Variants in PEX3 observed in about 807,000 individuals in gnomAD.
The protein encoded by PEX3 is peroxisomal biogenesis factor 3.
Under a neutral mutation model 55.8 loss-of-function variants are expected in PEX3, and 30 were observed. That is an observed-to-expected ratio of 0.54 (90% CI 0.40 to 0.73). The LOEUF (loss-of-function observed/expected upper bound fraction) is 0.73, where lower values mean the gene tolerates loss of function less well. PEX3 is among the 30% of genes least tolerant of loss of function. The pLI is 0.00. For missense variants in PEX3, 351 were observed against 432.8 expected (o/e 0.81, Z 1.68); for synonymous variants, 135 against 148.4 (o/e 0.91, Z 0.66).
At chr6:143,468,807 C>T (rs967424664) in intron 4 of PEX3, among the ~76,000 whole-genome samples, 1 of 97,644 alleles carries the variant, frequency 1.0e-5, no homozygotes, top group African/African-American at 3.6e-5. Flanking sequence ...GCTATCCCCC[C>T]CCCCCCCACC....
rs993360313 is a variant in PEX3, at chr6:143,485,427, T to C, written c.1038+179T>C. Among the ~76,000 whole-genome samples the C allele has an allele frequency of 2.6e-5, 4 of 151,890 alleles. No individual in the cohort carries two copies. Among genetic ancestry groups the C allele is most frequent in the African/African-American group, 9.7e-5 (4 of 41,358 alleles). ...GAGAGTAATAACGGACCATAGCAAA[T>C]GTGTAAGTTTGGAGTACCTTTCTCC... On this transcript the variant is annotated intron_variant, in intron 11 of 11. Transcript: ENST00000367591. This position sits in a 1 kb window ranked among gnomAD's most constrained non-coding sequence, Gnocchi z 5.6.
chr6:143,473,963 C>CAA (rs748863068), intron 8 of PEX3, among the ~76,000 whole-genome samples: 1 of 124,490 alleles, frequency 8.0e-6, no homozygotes, highest in Non-Finnish European at 1.7e-5. Context: ...CCTACCCCTA[C>CAA]AAAAAAAAAA....
rs747077284 is a variant in PEX3 at position 143,464,578 on chromosome 6, G to A, written c.287+1581G>A. 1.3e-4 allele frequency among the ~76,000 whole-genome samples: 19 copies of A among 151,678 alleles called. No homozygotes were observed. The highest frequency in any genetic ancestry group is 2.7e-4 in the Non-Finnish European group (18 of 67,798). ...TCTTTTTTTCTTAATCGGTACACAG[G>A]GAGGAGAATTTCTTAAATTCTGGAG... On this transcript the variant is annotated intron_variant, in intron 3 of 11. Transcript: ENST00000367591. This position sits in a 1 kb window ranked among gnomAD's most constrained non-coding sequence, Gnocchi z 5.8.
chr6:143,474,384 C>T (rs535240465), intron 8 of PEX3, among the ~76,000 whole-genome samples: 6 of 150,456 alleles, frequency 4.0e-5, no homozygotes, highest in Non-Finnish European at 7.4e-5. Flanking sequence ...ACTTGAACCT[C>T]GGAGGCAGAG....
chr6:143,468,016 T>C (rs1780014275), intron 3 of PEX3, 106 bp from the exon 4 acceptor site: 2 of 681,362 alleles, frequency 2.9e-6, no homozygotes, highest in African/African-American at 3.6e-5. Context: ...TTATGCTGTG[T>C]TGCTTTTAAT....
chr6:143,473,969 A>G (rs910771942), intron 8 of PEX3, among the ~76,000 whole-genome samples: 25 of 151,972 alleles, frequency 1.6e-4, no homozygotes, highest in Non-Finnish European at 2.6e-4. Flanking sequence ...CCTACAAAAA[A>G]AAAAAAAATG....
At position 143,471,563 on chromosome 6, in the gene PEX3, C is replaced by T; in HGVS notation, c.530C>T (p.Thr177Ile). ...TTTGTTTTTTCTTTAATAGGCCTGA[C>T]AGAATTGATCACTGTCATTAAACAA... ...SIQHLLGDGLTELITVIKQAV... is the reference protein window; with the variant it reads ...SIQHLLGDGLIELITVIKQAV... Residue 177 changes from threonine (T) to isoleucine (I), a missense_variant, in exon 7 of 12, where the codon ACA (threonine) becomes ATA (isoleucine). Transcript: ENST00000367591. The surrounding 1 kb of genome is among the most constrained non-coding windows in gnomAD (Gnocchi z 5.4). 1 of 1,611,736 alleles carries T rather than the reference C, an allele frequency of 6.2e-7. No individual in the cohort carries two copies. The highest frequency in any genetic ancestry group is 8.5e-7 in the Non-Finnish European group (1 of 1,178,266).
Position 143,489,426 on chromosome 6 carries a change from G to T in PEX3, c.*200G>T. On this transcript the variant is annotated 3_prime_UTR_variant, in exon 12 of 12. Coordinates refer to ENST00000367591, the MANE Select transcript of PEX3 (RefSeq NM_003630.3). The surrounding 1 kb of genome is among the most constrained non-coding windows in gnomAD (Gnocchi z 5.5). ...TAGATTCATCAACAGACCAGTTTTT[G>T]TGGGCATATATATATACACGTGCAA... The T allele has an allele frequency of 4.2e-6, 2 of 479,162 alleles. No individual in the cohort carries two copies. Among genetic ancestry groups the T allele is most frequent in the East Asian group, 7.9e-5 (2 of 25,460 alleles). The allele number at this position is 479,162 out of a possible 1,614,324, so 29.7% of individuals were successfully genotyped here.
chr6:143,487,290 G>A lies in PEX3; in HGVS notation c.1039-1853G>A, dbSNP rs1315579969. Among the ~76,000 whole-genome samples the A allele has an allele frequency of 3.3e-5, 5 of 152,102 alleles. No individual in the cohort carries two copies. Among genetic ancestry groups the A allele is most frequent in the Non-Finnish European group, 5.9e-5 (4 of 68,004 alleles). On this transcript the variant is annotated intron_variant, in intron 11 of 11. Coordinates refer to ENST00000367591, the MANE Select transcript of PEX3 (RefSeq NM_003630.3). This position sits in a 1 kb window ranked among gnomAD's most constrained non-coding sequence, Gnocchi z 5.3. ...AGATTAAAGTCTTTATTATAAAGCT[G>A]ATATAAGTTAGCTATGACCTATGAG...
At position 143,484,859 on chromosome 6, in the gene PEX3, A is replaced by G. The variant is rs1475034000; in HGVS notation, c.942-293A>G. 8.3e-6 allele frequency: 3 copies of G among 361,752 alleles called. No individual in the cohort carries two copies. The East Asian group carries it at 2.0e-4, about 24-fold the overall frequency. The allele number at this position is 361,752 out of a possible 1,614,324, so 22.4% of individuals were successfully genotyped here. A position where few individuals can be genotyped will look rare whatever the true frequency, so the allele number is the denominator to read the frequency against. On this transcript the variant is annotated intron_variant, in intron 10 of 11. Transcript: ENST00000367591. Reference sequence around the variant, plus strand: ...TCAGACAAACACTTTAGAACTTTTAATAAGATGGAAAATACTCATAACAAT... The same window carrying G: ...TCAGACAAACACTTTAGAACTTTTAGTAAGATGGAAAATACTCATAACAAT...
chr6:143,476,459 G>A lies in PEX3; in HGVS notation c.818+1603G>A, dbSNP rs1245677127. ...TTATAAAAGATCTCATTGCTCTATG[G>A]TAAGCTGACTATAAAGAGATAAGAA... On this transcript the variant is annotated intron_variant, in intron 9 of 11. Coordinates refer to ENST00000367591, the MANE Select transcript of PEX3 (RefSeq NM_003630.3). This position sits in a 1 kb window ranked among gnomAD's most constrained non-coding sequence, Gnocchi z 5.4. Among the ~76,000 whole-genome samples the A allele has an allele frequency of 6.6e-6, 1 of 152,206 alleles. No homozygotes were observed. Among genetic ancestry groups the A allele is most frequent in the African/African-American group, 2.4e-5 (1 of 41,450 alleles).
At chr6:143,460,513 C>A (rs1465835844) in intron 2 of PEX3, among the ~76,000 whole-genome samples, 3 of 152,110 alleles carry the variant, frequency 2.0e-5, no homozygotes, top group African/African-American at 7.2e-5. Context: ...CTGCCTAGGA[C>A]ATTTTAATGA....
chr6:143,476,305 A>G lies in PEX3; in HGVS notation c.818+1449A>G, dbSNP rs78983098. 9.4e-4 allele frequency among the ~76,000 whole-genome samples: 143 copies of G among 152,274 alleles called. 2 individuals carry two copies. In the East Asian group the frequency reaches 0.019, roughly 20 times the overall value. On this transcript the variant is annotated intron_variant, in intron 9 of 11. Coordinates refer to ENST00000367591, the MANE Select transcript of PEX3 (RefSeq NM_003630.3). This position sits in a 1 kb window ranked among gnomAD's most constrained non-coding sequence, Gnocchi z 5.4. ...ATGAGAAAAGTAATAGGGAAGTGAG[A>G]TTGGAGAGATAGATGGAAACTCCAG...
intron 3 of PEX3, among the ~76,000 whole-genome samples, chr6:143,467,724 G>T (rs1780011211): frequency 6.6e-6 from 1 of 152,086 alleles, no homozygotes; most frequent in Non-Finnish European, 1.5e-5. Flanking sequence ...TGATACACAT[G>T]AAATATATGT....
chr6:143,489,347 A>G lies in PEX3; in HGVS notation c.*121A>G. 1 of 663,594 alleles carries G rather than the reference A, an allele frequency of 1.5e-6. No individual in the cohort carries two copies. Among genetic ancestry groups the G allele is most frequent in the South Asian group, 1.7e-5 (1 of 60,398 alleles). 41.1% of individuals were successfully genotyped at this position (663,594 alleles called of 1,614,324 possible). On this transcript the variant is annotated 3_prime_UTR_variant, in exon 12 of 12. Transcript: ENST00000367591. The surrounding 1 kb of genome is among the most constrained non-coding windows in gnomAD (Gnocchi z 5.5). ...TGCCTGATAAAATATATTCTTAATA[A>G]AAGTCTTCATTTCATAATGAAATCA...
In PEX3 at chr6:143,465,303, G is replaced by A. The variant is rs1016767135; in HGVS notation, c.287+2306G>A. On this transcript the variant is annotated intron_variant, in intron 3 of 11. Coordinates refer to ENST00000367591, the MANE Select transcript of PEX3 (RefSeq NM_003630.3). This position sits in a 1 kb window ranked among gnomAD's most constrained non-coding sequence, Gnocchi z 4.7. ...AGTTTTTTAAAAAAAAATAGCATCA[G>A]TATTTAAAAATCTACTTTTAAGGTC... 6.6e-6 allele frequency among the ~76,000 whole-genome samples: 1 copy of A among 151,850 alleles called. No homozygotes were observed. The highest frequency in any genetic ancestry group is 2.4e-5 in the African/African-American group (1 of 41,396).
Position 143,471,142 on chromosome 6 carries a change from A to G in PEX3, c.456+57A>G. ...CTTTCCCTCAGGAGGTTCAAAGTTT[A>G]ACTTATTTATCCTGATAACAATTTC... is the stretch of plus-strand genomic sequence containing the variant. On this transcript the variant is annotated intron_variant, in intron 5 of 11. Coordinates refer to ENST00000367591, the MANE Select transcript of PEX3 (RefSeq NM_003630.3). The surrounding 1 kb of genome is among the most constrained non-coding windows in gnomAD (Gnocchi z 5.4). 1 of 1,450,324 alleles carries G rather than the reference A, an allele frequency of 6.9e-7. No homozygotes were observed. Among genetic ancestry groups the G allele is most frequent in the Non-Finnish European group, 9.7e-7 (1 of 1,032,110 alleles). 89.8% of individuals were successfully genotyped at this position (1,450,324 alleles called of 1,614,324 possible).
chr6:143,480,537 A>G (rs6935346), intron 10 of PEX3, among the ~76,000 whole-genome samples: 47,978 of 151,974 alleles, frequency 0.32, 8,628 homozygotes, highest in African/African-American at 0.49. Flanking sequence ...TCAAAAGTCA[A>G]AAACTATCTT....
rs1779992220 is a variant in PEX3 at position 143,466,381 on chromosome 6, C to G, written c.288-1741C>G. ...GTCACTTAGTAGCCATCTTGGCCATCAGATTGGATGTTGAGGTATTGCAGT... is the reference window on the plus strand; with the variant it reads ...GTCACTTAGTAGCCATCTTGGCCATGAGATTGGATGTTGAGGTATTGCAGT... On this transcript the variant is annotated intron_variant, in intron 3 of 11. Coordinates refer to ENST00000367591, the MANE Select transcript of PEX3 (RefSeq NM_003630.3). This position sits in a 1 kb window ranked among gnomAD's most constrained non-coding sequence, Gnocchi z 5.4. 6.6e-6 allele frequency among the ~76,000 whole-genome samples: 1 copy of G among 151,884 alleles called. No homozygotes were observed. The highest frequency in any genetic ancestry group is 2.1e-4 in the South Asian group (1 of 4,834).
Sources: gnomAD v4.1 joint callset for allele counts (sites outside exome capture counted in the v4.1 genomes callset) on GRCh38, gnomAD v4.1.1 for gene constraint, Gnocchi (gnomAD v3.1) non-coding constraint, MANE v1.5 for transcripts, NCBI Gene and HGNC (gene_info 2026-07-23, HGNC 2026-07-21) for gene names.